The following FBXL4 variants were observed in gnomAD, a reference collection of about 807,000 sequenced individuals.
FBXL4 encodes the protein F-box and leucine rich repeat protein 4.
Under a neutral mutation model 58.9 loss-of-function variants are expected in FBXL4, and 40 were observed. The observed-to-expected ratio is 0.68, with a 90% CI of 0.53 to 0.88. The LOEUF is 0.88. Among genes scored for constraint, FBXL4 ranks in the 40% least tolerant of loss-of-function variants. The pLI, the probability that FBXL4 is intolerant of heterozygous loss-of-function variation, is 0.00. For synonymous variants in FBXL4, 263 were observed against 265.5 expected, an observed-to-expected ratio of 0.99 and a Z score of 0.09; for missense variants, 676 against 734.4, an observed-to-expected ratio of 0.92 and a Z score of 0.92.
At chr6:98,875,315 T>C (rs751351960) in intron 9 of FBXL4, 100 bp downstream of exon 9, 24 of 1,099,904 alleles carry the variant, frequency 2.2e-5, no homozygotes, top group Admixed American at 1.8e-4. Context: ...AAAATTTTTA[T>C]TGTATCCAAA....
At chr6:98,900,310 G>C (rs1771559063) in intron 6 of FBXL4, among the ~76,000 whole-genome samples, 4 of 152,066 alleles carry the variant, frequency 2.6e-5, no homozygotes, top group Admixed American at 2.0e-4. Context: ...GCCTGTCCAG[G>C]TCTCTTGACA....
intron 1 of FBXL4, among the ~76,000 whole-genome samples, chr6:98,941,313 C>CA (rs1402764772): frequency 6.6e-6 from 1 of 151,814 alleles, no homozygotes; most frequent in Non-Finnish European, 1.5e-5. Flanking sequence ...AGGTCTGATG[C>CA]AAAAACTACA....
chr6:98,886,705 G>C (rs1372310553), intron 7 of FBXL4, among the ~76,000 whole-genome samples: 1 of 152,188 alleles, frequency 6.6e-6, no homozygotes, highest in East Asian at 1.9e-4. Context: ...TGGCACTGCG[G>C]ATACTGCAGG....
chr6:98,930,374 T>C (rs1184354706), intron 2 of FBXL4, among the ~76,000 whole-genome samples: 2 of 152,178 alleles, frequency 1.3e-5, no homozygotes, highest in Non-Finnish European at 2.9e-5. Context: ...TGAGCCGAGA[T>C]TGCACCACTG....
intron 7 of FBXL4, chr6:98,898,448 T>C (rs559385210): frequency 2.0e-6 from 2 of 984,558 alleles, no homozygotes; most frequent in East Asian, 2.3e-4. Context: ...CTACTAAAAA[T>C]ACAAAAATTA....
Position 98,870,160 on chromosome 6 carries a change from A to G in FBXL4, c.*4118T>C, listed in dbSNP as rs1770454853. 6.6e-6 allele frequency: 1 copy of G among 152,184 alleles called. No homozygotes were observed. Among genetic ancestry groups the G allele is most frequent in the Admixed American group, 6.5e-5 (1 of 15,284 alleles). 9.4% of individuals were successfully genotyped at this position (152,184 alleles called of 1,614,324 possible). A position where few individuals can be genotyped will look rare whatever the true frequency, so the allele number is the denominator to read the frequency against. On this transcript the variant is annotated 3_prime_UTR_variant, in exon 10 of 10. Coordinates refer to ENST00000369244, the MANE Select transcript of FBXL4 (RefSeq NM_001278716.2). ...CACTGCTCTTCATTTTAAAATCTAA[A>G]TGGCAAAATGAGAATGATAACAGCG...
intron 4 of FBXL4, among the ~76,000 whole-genome samples, chr6:98,922,473 T>C (rs1260486544): frequency 6.6e-6 from 1 of 152,212 alleles, no homozygotes; most frequent in Non-Finnish European, 1.5e-5. Flanking sequence ...ATTAAAATAA[T>C]AGACACTGTA....
chr6:98,891,552 A>G (rs1267200815), intron 7 of FBXL4, among the ~76,000 whole-genome samples: 1 of 152,088 alleles, frequency 6.6e-6, no homozygotes, highest in Non-Finnish European at 1.5e-5. Flanking sequence ...CGACTGATCA[A>G]TTTGCATAAC....
At position 98,902,017 on chromosome 6, in the gene FBXL4, T is replaced by G. The variant is rs116999280; in HGVS notation, c.1104-2536A>C. On this transcript the variant is annotated intron_variant, in intron 6 of 9. Coordinates refer to ENST00000369244, the MANE Select transcript of FBXL4 (RefSeq NM_001278716.2). The stretch of plus-strand genomic sequence containing the variant: ...GAGAAAAGTAAATTGCTTATCATTA[T>G]GAGGTGATTAATTTGTCCAAAATAA... Among the ~76,000 whole-genome samples the G allele has an allele frequency of 3.4e-4, 52 of 152,298 alleles. 1 individual carries two copies. The East Asian group carries it at 9.6e-3, about 28-fold the overall frequency.
intron 5 of FBXL4, among the ~76,000 whole-genome samples, chr6:98,912,542 A>G (rs974254620): frequency 2.6e-5 from 4 of 152,184 alleles, no homozygotes; most frequent in Non-Finnish European, 4.4e-5. Context: ...AAAGAAAATA[A>G]TTTTCAACCC....
At chr6:98,886,650 T>C (rs1582376653) in intron 7 of FBXL4, among the ~76,000 whole-genome samples, 1 of 152,222 alleles carries the variant, frequency 6.6e-6, no homozygotes, top group South Asian at 2.1e-4. Context: ...TGCTCCCTTC[T>C]AGAACCAGGA....
At chr6:98,909,620 G>A (rs1335618755) in intron 5 of FBXL4, among the ~76,000 whole-genome samples, 1 of 152,080 alleles carries the variant, frequency 6.6e-6, no homozygotes, top group Non-Finnish European at 1.5e-5. Flanking sequence ...TTTGCAAGTG[G>A]GTAAGAATCA....
intron 5 of FBXL4, among the ~76,000 whole-genome samples, chr6:98,910,533 T>C (rs1451230161): frequency 6.6e-6 from 1 of 151,910 alleles, no homozygotes; most frequent in African/African-American, 2.4e-5. Flanking sequence ...GGCAGGCACC[T>C]GTAGTCCCAG....
chr6:98,938,043 T>TC (rs1491498733), intron 1 of FBXL4, among the ~76,000 whole-genome samples: 15 of 89,610 alleles, frequency 1.7e-4, no homozygotes, highest in African/African-American at 6.5e-4. Context: ...CCTGCACCCT[T>TC]TTTTTTTTTT....
chr6:98,906,384 A>G (rs914048008), intron 5 of FBXL4, among the ~76,000 whole-genome samples: 4 of 141,810 alleles, frequency 2.8e-5, no homozygotes, highest in African/African-American at 1.1e-4. Flanking sequence ...AGGTGTTCTC[A>G]TTGTTCAGCT....
At chr6:98,914,141 C>T (rs1237490534) in intron 5 of FBXL4, among the ~76,000 whole-genome samples, 1 of 152,114 alleles carries the variant, frequency 6.6e-6, no homozygotes, top group Non-Finnish European at 1.5e-5. Context: ...CTGAATAGAC[C>T]AATAACAGGA....
chr6:98,877,529 A>G (rs1212461805), intron 8 of FBXL4, among the ~76,000 whole-genome samples: 1 of 152,236 alleles, frequency 6.6e-6, no homozygotes, highest in African/African-American at 2.4e-5. Context: ...ATGAAACTAA[A>G]TACTTTTTAC....
chr6:98,894,734 T>G (rs958721546), intron 7 of FBXL4, among the ~76,000 whole-genome samples: 1 of 152,210 alleles, frequency 6.6e-6, no homozygotes, highest in Non-Finnish European at 1.5e-5. Flanking sequence ...TATATGCCAC[T>G]GACTCTGCAC....
chr6:98,942,305 T>A (rs998120169), intron 1 of FBXL4, among the ~76,000 whole-genome samples: 1 of 151,894 alleles, frequency 6.6e-6, no homozygotes, highest in African/African-American at 2.4e-5. Context: ...ACTAGCAAAA[T>A]TTTAAAAAAT....
Sources: gnomAD v4.1 joint callset for allele counts (sites outside exome capture counted in the v4.1 genomes callset) on GRCh38, gnomAD v4.1.1 for gene constraint, MANE v1.5 for transcripts, NCBI Gene and HGNC (gene_info 2026-07-23, HGNC 2026-07-21) for gene names.